PDS5B: variants seen among roughly 807,000 people sequenced by gnomAD.
The protein encoded by PDS5B is sister chromatid cohesion protein PDS5 homolog B.
Under a neutral mutation model 184.1 loss-of-function variants are expected in PDS5B, and 51 were observed. The observed-to-expected ratio is 0.28, with a 90% CI of 0.22 to 0.35. PDS5B has a LOEUF of 0.35. Among genes scored for constraint, PDS5B ranks in the 10% least tolerant of loss-of-function variants. PDS5B has a pLI of 1.00. For synonymous variants in PDS5B, 566 were observed against 569.2 expected, an observed-to-expected ratio of 0.99 and a Z score of 0.08; for missense variants, 1,180 against 1,723.3, an observed-to-expected ratio of 0.68 and a Z score of 5.58.
intron 1 of PDS5B, among the ~76,000 whole-genome samples, chr13:32,633,850 G>T (rs2058496482): frequency 6.6e-6 from 1 of 152,074 alleles, no homozygotes; most frequent in Admixed American, 6.6e-5. Flanking sequence ...ACTCTCATTT[G>T]TCCTGTATAC....
intron 1 of PDS5B, among the ~76,000 whole-genome samples, chr13:32,619,882 T>C (rs2058271508): frequency 6.6e-6 from 1 of 152,138 alleles, no homozygotes; most frequent in African/African-American, 2.4e-5. Flanking sequence ...CACTATAACC[T>C]TTGCCTCCTG....
intron 34 of PDS5B, 148 bp downstream of exon 34, chr13:32,773,472 A>T (rs561171791): frequency 1.4e-6 from 1 of 705,266 alleles, no homozygotes; most frequent in Non-Finnish European, 2.3e-6. Context: ...GATAATGGAG[A>T]ACATCTTTTA....
At chr13:32,613,944 C>A (rs1200514942) in intron 1 of PDS5B, among the ~76,000 whole-genome samples, 1 of 152,142 alleles carries the variant, frequency 6.6e-6, no homozygotes, top group African/African-American at 2.4e-5. Flanking sequence ...CACATTCATT[C>A]TTTTGCGTGT....
intron 17 of PDS5B, among the ~76,000 whole-genome samples, chr13:32,705,288 G>A (rs1048624824): frequency 1.3e-5 from 2 of 152,086 alleles, no homozygotes; most frequent in Admixed American, 6.6e-5. Context: ...GTATATCTAG[G>A]TTAAAAAATC....
At chr13:32,698,848 G>A (rs1016080402) in intron 15 of PDS5B, among the ~76,000 whole-genome samples, 1 of 151,890 alleles carries the variant, frequency 6.6e-6, no homozygotes, top group African/African-American at 2.4e-5. Context: ...CCGCCTCCCG[G>A]GTTCAAGCAG....
At chr13:32,697,873 G>A (rs1423426417) in intron 15 of PDS5B, among the ~76,000 whole-genome samples, 1 of 152,068 alleles carries the variant, frequency 6.6e-6, no homozygotes, top group Non-Finnish European at 1.5e-5. Context: ...AACACACCCA[G>A]CTAATTTAAA....
chr13:32,709,552 TCTC>T (rs1253766862), intron 18 of PDS5B, among the ~76,000 whole-genome samples: 2 of 152,116 alleles, frequency 1.3e-5, no homozygotes, highest in African/African-American at 2.4e-5. Flanking sequence ...TCTAGTTTAT[TCTC>T]CTCTTCTTCA....
chr13:32,767,548 A>AT (rs1168247472), intron 31 of PDS5B, among the ~76,000 whole-genome samples: 1 of 152,194 alleles, frequency 6.6e-6, no homozygotes, highest in Non-Finnish European at 1.5e-5. Context: ...GGGAAAAGGG[A>AT]TTATTTTCTT....
In PDS5B at chr13:32,725,762, A is replaced by G. The variant is rs925003113; in HGVS notation, c.2124-6339A>G. On this transcript the variant is annotated intron_variant, in intron 19 of 34. Transcript: ENST00000315596. ...AACAACACTATAATATTACATAATA[A>G]CTCAATTGCTTTATCTCATAATACA... 6.6e-5 allele frequency among the ~76,000 whole-genome samples: 10 copies of G among 152,272 alleles called. No individual in the cohort carries two copies. The South Asian group carries it at 1.2e-3, about 19-fold the overall frequency.
rs566853421 is a variant in PDS5B, at chr13:32,613,637, G to A, written c.-20+27044G>A. On this transcript the variant is annotated intron_variant, in intron 1 of 34. Transcript: ENST00000315596. The stretch of plus-strand genomic sequence containing the variant: ...AGCTTTATATATTCTAGATACAAGT[G>A]CCTTATCATATATATGATGTGTATG... Among the ~76,000 whole-genome samples, 21 of 152,216 alleles carry A rather than the reference G, an allele frequency of 1.4e-4. No individual in the cohort carries two copies. In the South Asian group the frequency reaches 4.4e-3, roughly 32 times the overall value.
intron 1 of PDS5B, among the ~76,000 whole-genome samples, chr13:32,610,619 T>G (rs1037067355): frequency 2.9e-5 from 2 of 68,230 alleles, no homozygotes; most frequent in African/African-American, 9.3e-5. Flanking sequence ...GAACCAAATT[T>G]TTTTTTTTTT....
chr13:32,647,699 A>AT (rs752847772), intron 1 of PDS5B, among the ~76,000 whole-genome samples: 23 of 151,758 alleles, frequency 1.5e-4, no homozygotes, highest in South Asian at 4.2e-4. Flanking sequence ...AGTCTTTATA[A>AT]TTTTTTTTGT....
At chr13:32,672,430 G>GTA (rs1246991326) in intron 7 of PDS5B, among the ~76,000 whole-genome samples, 1 of 152,120 alleles carries the variant, frequency 6.6e-6, no homozygotes, top group East Asian at 1.9e-4. Flanking sequence ...CATAGTGTAT[G>GTA]TATACACACA....
chr13:32,691,842 T>C (rs922675717), intron 13 of PDS5B, among the ~76,000 whole-genome samples: 1 of 152,156 alleles, frequency 6.6e-6, no homozygotes, highest in Non-Finnish European at 1.5e-5. Flanking sequence ...TTCTACGTCC[T>C]CCTGTGTATT....
chr13:32,681,732 G>A (rs1951253214), intron 10 of PDS5B, among the ~76,000 whole-genome samples: 1 of 151,540 alleles, frequency 6.6e-6, no homozygotes, highest in Non-Finnish European at 1.5e-5. Context: ...CGTTTCTCCA[G>A]CTTCATTCCT....
At chr13:32,764,047 A>G (rs1954500966) in intron 30 of PDS5B, among the ~76,000 whole-genome samples, 2 of 92,352 alleles carry the variant, frequency 2.2e-5, no homozygotes, top group African/African-American at 1.1e-4. Context: ...CACAAGATTC[A>G]TGCTTATATT....
intron 1 of PDS5B, among the ~76,000 whole-genome samples, chr13:32,628,994 A>G (rs1042490168): frequency 1.3e-5 from 2 of 152,216 alleles, no homozygotes; most frequent in Non-Finnish European, 2.9e-5. Context: ...TTAAAATTTA[A>G]TAGGTATTAA....
chr13:32,714,902 G>A (rs150266960), intron 19 of PDS5B, among the ~76,000 whole-genome samples: 24 of 152,324 alleles, frequency 1.6e-4, no homozygotes, highest in African/African-American at 5.8e-4. Context: ...GACAGGCATA[G>A]GAAATCACAA....
chr13:32,758,056 A>AT (rs1954250159), intron 26 of PDS5B, 31 bp from the exon 27 acceptor site: 1 of 955,106 alleles, frequency 1.0e-6, no homozygotes, highest in Non-Finnish European at 1.4e-6. Context: ...ATTTTCTTCT[A>AT]TATTTCTTTT....
Sources: gnomAD v4.1 joint callset for allele counts (sites outside exome capture counted in the v4.1 genomes callset) on GRCh38, gnomAD v4.1.1 for gene constraint, MANE v1.5 for transcripts, NCBI Gene and HGNC (gene_info 2026-07-23, HGNC 2026-07-21) for gene names.